Variants in SLC29A4 observed in about 807,000 individuals in gnomAD.
SLC29A4 encodes equilibrative nucleoside transporter 4.
A neutral mutation model predicts 43.9 loss-of-function variants in SLC29A4; 36 were observed. The observed-to-expected ratio is 0.82, with a 90% CI of 0.63 to 1.08. The LOEUF is 1.08. Ranked by LOEUF, SLC29A4 falls within the 50% of genes least tolerant of loss-of-function variation. SLC29A4 has a pLI of 0.00. For synonymous variants in SLC29A4, 491 were observed against 338.0 expected (o/e 1.45, Z -4.97); for missense variants, 869 against 755.3 (o/e 1.15, Z -1.77).
chr7:5,300,257 T>C (rs1042452862), intron 9 of SLC29A4, among the ~76,000 whole-genome samples, 165 bp from the exon 10 acceptor site: 1 of 151,800 alleles, frequency 6.6e-6, no homozygotes, highest in Non-Finnish European at 1.5e-5. Flanking sequence ...TAAGTGGAAT[T>C]TGGGGGGCTT....
At position 5,287,934 on chromosome 7, in the gene SLC29A4, GCTCAGGGCCAGGGC is replaced by G. The variant is rs770552581; in HGVS notation, c.121_134del (p.Gln41Ter). 6 of 1,611,414 alleles carry G rather than the reference GCTCAGGGCCAGGGC, an allele frequency of 3.7e-6. No individual in the cohort carries two copies. Among genetic ancestry groups the G allele is most frequent in the Non-Finnish European group, 5.1e-6 (6 of 1,179,498 alleles). On this transcript the variant is annotated frameshift_variant, in exon 2 of 11. Coordinates refer to ENST00000396872, the MANE Select transcript of SLC29A4 (RefSeq NM_153247.4). LOFTEE classifies it high-confidence loss of function. Reference sequence around the variant, plus strand: ...CCAGCTGGAGGAGGCGGCGGAGGCGGCTCAGGGCCAGGGCCTTAGGGCCAGGGGCGTCCCAGCTT... The same window carrying G: ...CCAGCTGGAGGAGGCGGCGGAGGCGGCTTAGGGCCAGGGGCGTCCCAGCTT...
At position 5,300,633 on chromosome 7, in the gene SLC29A4, A is replaced by T; in HGVS notation, c.1421A>T (p.Lys474Ile). ...GTGCCCATGATCCTGGCGGCAGGCA[A>T]AGTGAGCCCCAAGCAGCGGGAGCTG... is the stretch of plus-strand genomic sequence containing the variant. ...GSVPMILAAG[K>I]VSPKQRELAG... The change falls in exon 10 of 11, where the codon AAA becomes ATA. Residue 474 changes from lysine to isoleucine, a missense_variant. By Grantham distance (102) the Lys-to-Ile change is moderately radical (BLOSUM62 -3). Coordinates refer to ENST00000396872, the MANE Select transcript of SLC29A4 (RefSeq NM_153247.4). The T allele has an allele frequency of 6.2e-7, 1 of 1,609,864 alleles. No individual in the cohort carries two copies. The highest frequency in any genetic ancestry group is 8.5e-7 in the Non-Finnish European group (1 of 1,178,716).
At chr7:5,298,012 T>TCAGGGCCA (rs1484960464) in intron 7 of SLC29A4, among the ~76,000 whole-genome samples, 1 of 152,140 alleles carries the variant, frequency 6.6e-6, no homozygotes, top group Non-Finnish European at 1.5e-5. Flanking sequence ...GGCCGGCAGC[T>TCAGGGCCA]GTACAGGCTT....
chr7:5,298,722 C>T (rs928230548), intron 7 of SLC29A4, among the ~76,000 whole-genome samples: 3 of 152,080 alleles, frequency 2.0e-5, no homozygotes, highest in Admixed American at 1.3e-4. Flanking sequence ...ATTGCCTGAG[C>T]CCAGGAAGTT....
At chr7:5,289,734 C>G (rs546004811) in intron 2 of SLC29A4, among the ~76,000 whole-genome samples, 1 of 152,170 alleles carries the variant, frequency 6.6e-6, no homozygotes, top group South Asian at 2.1e-4. Context: ...AGACAGCTCC[C>G]TAAACCATGC....
At chr7:5,287,201 G>C (rs962895993) in intron 1 of SLC29A4, among the ~76,000 whole-genome samples, 3 of 152,172 alleles carry the variant, frequency 2.0e-5, no homozygotes, top group African/African-American at 7.2e-5. Context: ...CGAGGCAGGA[G>C]TTGGAGTTGG....
Position 5,287,995 on chromosome 7 carries a change from CGTGCGGGCAAG to C in SLC29A4, c.169+18_169+28del, listed in dbSNP as rs770183902. On this transcript the variant is annotated intron_variant, in intron 2 of 10. Coordinates refer to ENST00000396872, the MANE Select transcript of SLC29A4 (RefSeq NM_153247.4). ...GCTTTCACGGATACTAGTAAGTAGG[CGTGCGGGCAAG>C]GTGCGGGTCTTGCCCCAAAGCAGGC... 6.2e-7 allele frequency: 1 copy of C among 1,603,286 alleles called. No homozygotes were observed. The highest frequency in any genetic ancestry group is 1.3e-5 in the African/African-American group (1 of 74,614).
intron 6 of SLC29A4, 66 bp downstream of exon 6, chr7:5,295,000 C>T: frequency 2.8e-6 from 4 of 1,407,656 alleles, no homozygotes; most frequent in South Asian, 1.3e-5. Flanking sequence ...AGCTTCTTCC[C>T]AGGGACTCCC....
At chr7:5,287,428 A>G (rs898661082) in intron 1 of SLC29A4, among the ~76,000 whole-genome samples, 3 of 151,848 alleles carry the variant, frequency 2.0e-5, no homozygotes, top group Admixed American at 2.0e-4. Context: ...AAAAAAAAAA[A>G]AAAAGAAAAA....
chr7:5,294,976 C>A, intron 6 of SLC29A4, 42 bp downstream of exon 6: 1 of 1,546,470 alleles, frequency 6.5e-7, no homozygotes, highest in African/African-American at 1.4e-5. Flanking sequence ...TGCTGGGCTG[C>A]CCTGGGCTCT....
At chr7:5,298,126 C>T (rs981345178) in intron 7 of SLC29A4, among the ~76,000 whole-genome samples, 1 of 152,216 alleles carries the variant, frequency 6.6e-6, no homozygotes, top group Non-Finnish European at 1.5e-5. Flanking sequence ...AATGGTCATG[C>T]AGGCCTTGAT....
intron 5 of SLC29A4, among the ~76,000 whole-genome samples, chr7:5,292,536 C>T (rs1296996305): frequency 1.3e-5 from 2 of 152,088 alleles, no homozygotes; most frequent in East Asian, 3.8e-4. Context: ...TCCACCCCGT[C>T]TCTCTGTACT....
chr7:5,291,237 G>C lies in SLC29A4; in HGVS notation c.415G>C (p.Gly139Arg), dbSNP rs1785289778. Residue 139 changes from glycine (G) to arginine (R), a missense_variant and splice_region_variant, in exon 4 of 11, where the codon GGC (glycine) becomes CGC (arginine). Physicochemically the swap from Gly to Arg is moderately radical, Grantham distance 125 (BLOSUM62 -2). Coordinates refer to ENST00000396872, the MANE Select transcript of SLC29A4 (RefSeq NM_153247.4). ...GACCCTGCACACCAGGATCACCGCA[G>C]GTGCGCTGGGCCCCGCCACGGGACA... The part of the protein sequence containing the change: ...RLTLHTRITA[G>R]YLLALGPLLF... 1 of 1,611,664 alleles carries C rather than the reference G, an allele frequency of 6.2e-7. No homozygotes were observed. Among genetic ancestry groups the C allele is most frequent in the East Asian group, 2.2e-5 (1 of 44,880 alleles).
At position 5,306,827 on chromosome 7, in the gene SLC29A4, G is replaced by A. The variant is rs1786552986; in HGVS notation, c.*3888G>A. ...AATTAAATCTTTTCTTTTTTTTTAT[G>A]AAAAAAGATCACACAGAATTTGCCA... On this transcript the variant is annotated 3_prime_UTR_variant, in exon 11 of 11. Transcript: ENST00000396872. 1 of 148,496 alleles carries A rather than the reference G, an allele frequency of 6.7e-6. No homozygotes were observed. The highest frequency in any genetic ancestry group is 2.5e-5 in the African/African-American group (1 of 40,194). 9.2% of individuals were successfully genotyped at this position (148,496 alleles called of 1,614,324 possible). A position where few individuals can be genotyped will look rare whatever the true frequency, so the allele number is the denominator to read the frequency against.
At position 5,300,630 on chromosome 7, in the gene SLC29A4, G is replaced by A. The variant is rs1374237366; in HGVS notation, c.1418G>A (p.Gly473Asp). 4 of 1,609,760 alleles carry A rather than the reference G, an allele frequency of 2.5e-6. No homozygotes were observed. Among genetic ancestry groups the A allele is most frequent in the Non-Finnish European group, 2.5e-6 (3 of 1,178,688 alleles). Reference sequence around the variant, plus strand: ...AGCGTGCCCATGATCCTGGCGGCAGGCAAAGTGAGCCCCAAGCAGCGGGAG... The same window carrying A: ...AGCGTGCCCATGATCCTGGCGGCAGACAAAGTGAGCCCCAAGCAGCGGGAG... ...FGSVPMILAA[G>D]KVSPKQRELA... is the part of the protein sequence containing the mutation. The change falls in exon 10 of 11, where the codon GGC becomes GAC. Residue 473 changes from glycine (G) to aspartate (D), a missense_variant. Coordinates refer to ENST00000396872, the MANE Select transcript of SLC29A4 (RefSeq NM_153247.4).
At chr7:5,293,170 T>TG (rs1293096284) in intron 5 of SLC29A4, among the ~76,000 whole-genome samples, 2 of 146,736 alleles carry the variant, frequency 1.4e-5, no homozygotes, top group African/African-American at 5.1e-5. Context: ...CTCTTTTTTT[T>TG]TTTTTTTTTT....
At chr7:5,288,080 G>A (rs1417238989) in intron 2 of SLC29A4, 95 bp downstream of exon 2, 28 of 1,447,094 alleles carry the variant, frequency 1.9e-5, no homozygotes, top group Middle Eastern at 2.5e-4. Context: ...GGAGCCATGG[G>A]TGGTCATGGA....
Position 5,287,891 on chromosome 7 carries a change from C to T in SLC29A4, c.75C>T (p.Ser25=), listed in dbSNP as rs1221077685. Reference sequence around the variant, plus strand: ...CACCAGACCCGGGCGTAGTGATGAGCTTCACCTTCGACAGTCACCAGCTGG... The same window carrying T: ...CACCAGACCCGGGCGTAGTGATGAGTTTCACCTTCGACAGTCACCAGCTGG... ...AGTPDPGVVM[S]FTFDSHQLEE... is the part of the protein sequence containing the mutation. Residue 25 remains serine (S), a synonymous_variant, in exon 2 of 11, where the codon AGC becomes AGT. Transcript: ENST00000396872. 6.2e-7 allele frequency: 1 copy of T among 1,611,946 alleles called. No individual in the cohort carries two copies. The highest frequency in any genetic ancestry group is 2.2e-5 in the East Asian group (1 of 44,896).
At position 5,294,852 on chromosome 7, in the gene SLC29A4, CTCT is replaced by C. The variant is rs769145646; in HGVS notation, c.545-6_545-4del. 24 of 1,612,212 alleles carry C rather than the reference CTCT, an allele frequency of 1.5e-5. No individual in the cohort carries two copies. Among genetic ancestry groups the C allele is most frequent in the East Asian group, 8.9e-5 (4 of 44,844 alleles). ...GCCTCTGGGTTGTTCCTCTCTCTCT[CTCT>C]TAAGTGCAGCAATCCAGCTTCTACG... On this transcript the variant is annotated splice_polypyrimidine_tract_variant and splice_region_variant and intron_variant, in intron 5 of 10. Transcript: ENST00000396872.
Sources: gnomAD v4.1 joint callset for allele counts (sites outside exome capture counted in the v4.1 genomes callset) on GRCh38, gnomAD v4.1.1 for gene constraint, MANE v1.5 for transcripts, NCBI Gene and HGNC (gene_info 2026-07-23, HGNC 2026-07-21) for gene names.